SHC4: variants seen among roughly 807,000 people sequenced by gnomAD.
SHC4 encodes SHC adaptor protein 4.
SHC4 carries 41 observed loss-of-function variants against 69.4 expected under a neutral mutation model. The observed-to-expected ratio is 0.59, with a 90% CI of 0.46 to 0.77. SHC4 has a LOEUF of 0.77. SHC4 is among the 30% of genes least tolerant of loss of function. The probability of loss-of-function intolerance (pLI) is 0.00; values close to 1 mark genes in which losing one functional copy is unlikely to be tolerated. For missense variants in SHC4, 777 were observed against 783.8 expected (o/e 0.99, Z 0.10); for synonymous variants, 318 against 299.3 (o/e 1.06, Z -0.64).
chr15:48,944,005 G>A (rs949677127), intron 1 of SHC4, among the ~76,000 whole-genome samples: 2 of 152,038 alleles, frequency 1.3e-5, no homozygotes, highest in Non-Finnish European at 2.9e-5. Context: ...TAAGGTGTAG[G>A]TAGGACACCC....
At chr15:48,866,235 C>T (rs1899556828) in intron 6 of SHC4, among the ~76,000 whole-genome samples, 1 of 152,188 alleles carries the variant, frequency 6.6e-6, no homozygotes, top group Admixed American at 6.5e-5. Flanking sequence ...TTGTTGTGCC[C>T]TGTTCCTACA....
At chr15:48,873,961 T>C (rs1246435233) in intron 4 of SHC4, among the ~76,000 whole-genome samples, 3 of 152,202 alleles carry the variant, frequency 2.0e-5, no homozygotes, top group East Asian at 3.8e-4. Flanking sequence ...CCCAGATTAA[T>C]TTATAAATTC....
At chr15:48,913,100 G>C (rs528589488) in intron 2 of SHC4, among the ~76,000 whole-genome samples, 2 of 152,088 alleles carry the variant, frequency 1.3e-5, no homozygotes, top group East Asian at 3.9e-4. Flanking sequence ...ACTTTCCAGA[G>C]AGCATCAGCT....
chr15:48,888,540 T>C (rs965817308), intron 3 of SHC4, among the ~76,000 whole-genome samples: 3 of 152,128 alleles, frequency 2.0e-5, no homozygotes, highest in Non-Finnish European at 4.4e-5. Context: ...AGATGGATGA[T>C]GGCGATGGCT....
Position 48,963,660 on chromosome 15 carries a change from A to T in SHC4, c.-645T>A, listed in dbSNP as rs933654968. On this transcript the variant is annotated 5_prime_UTR_variant, in exon 1 of 12. Coordinates refer to ENST00000332408, the MANE Select transcript of SHC4 (RefSeq NM_203349.4). ...TGCATCCCGTTCTGGGCCACCAGCC[A>T]GGAGTACTACTGACGGGCGCTGCTC... 9.2e-5 allele frequency among the ~76,000 whole-genome samples: 14 copies of T among 152,180 alleles called. No homozygotes were observed. Among genetic ancestry groups the T allele is most frequent in the Admixed American group, 3.3e-4 (5 of 15,280 alleles).
At chr15:48,921,083 G>C (rs1262207969) in intron 2 of SHC4, among the ~76,000 whole-genome samples, 1 of 152,196 alleles carries the variant, frequency 6.6e-6, no homozygotes, top group African/African-American at 2.4e-5. Flanking sequence ...TGGATGAATA[G>C]ACAAAATGTA....
chr15:48,844,665 T>A (rs2140974305), intron 9 of SHC4, among the ~76,000 whole-genome samples: 1 of 152,316 alleles, frequency 6.6e-6, no homozygotes, highest in East Asian at 1.9e-4. Context: ...TCACCTTGAA[T>A]TGTAATAATC....
chr15:48,924,882 G>A lies in SHC4; in HGVS notation c.653C>T (p.Thr218Ile). 1 of 1,614,076 alleles carries A rather than the reference G, an allele frequency of 6.2e-7. No homozygotes were observed. The highest frequency in any genetic ancestry group is 8.5e-7 in the Non-Finnish European group (1 of 1,179,986). ...CCTCCCATTTTTGGCTTCTTACCTT[G>A]TAACTTGGGTTCTCATTCCAAAATC... Reference protein sequence around the residue: ...SLDFGMRTQVTREAISRLCEA... With the variant: ...SLDFGMRTQVIREAISRLCEA... Residue 218 changes from threonine to isoleucine, a missense_variant, in exon 2 of 12, where the codon ACA (threonine) becomes ATA (isoleucine). Transcript: ENST00000332408.
At chr15:48,921,730 G>T (rs745432097) in intron 2 of SHC4, among the ~76,000 whole-genome samples, 3 of 152,140 alleles carry the variant, frequency 2.0e-5, no homozygotes, top group Non-Finnish European at 4.4e-5. Flanking sequence ...CGATAGTTGC[G>T]CAACAATGTG....
chr15:48,906,538 T>C (rs1900408858), intron 2 of SHC4, among the ~76,000 whole-genome samples: 1 of 152,048 alleles, frequency 6.6e-6, no homozygotes, highest in African/African-American at 2.4e-5. Flanking sequence ...AGGATTACCA[T>C]GGAACTACCA....
At chr15:48,908,401 T>TTTTC (rs1049206594) in intron 2 of SHC4, among the ~76,000 whole-genome samples, 1 of 152,164 alleles carries the variant, frequency 6.6e-6, no homozygotes, top group African/African-American at 2.4e-5. Context: ...GGATTGTTTG[T>TTTTC]TTTCTTTCTT....
At chr15:48,828,010 C>A (rs186002736) in intron 11 of SHC4, among the ~76,000 whole-genome samples, 29 of 152,144 alleles carry the variant, frequency 1.9e-4, no homozygotes, top group Admixed American at 3.3e-4. Context: ...GTCCTGCAGA[C>A]ACTTGTGTTT....
rs189833520 is a variant in SHC4 at position 48,930,566 on chromosome 15, G to C, written c.586-5617C>G. On this transcript the variant is annotated intron_variant, in intron 1 of 11. Coordinates refer to ENST00000332408, the MANE Select transcript of SHC4 (RefSeq NM_203349.4). The stretch of plus-strand genomic sequence containing the variant: ...GCAGGAGGATCACTTGAGCCCAGGA[G>C]TTTAAGGCTGCAGTCAGCTACAATC... 1.9e-3 allele frequency among the ~76,000 whole-genome samples: 294 copies of C among 152,320 alleles called. 1 individual carries two copies. Among genetic ancestry groups the C allele is most frequent in the African/African-American group, 6.9e-3 (288 of 41,564 alleles).
Position 48,884,290 on chromosome 15 carries a change from G to A in SHC4, c.798C>T (p.Ile266=). 6.2e-7 allele frequency: 1 copy of A among 1,611,080 alleles called. No homozygotes were observed. ...QFSGMNIKLT[I]STCSLTLMNL... ...TCATCAATGTGAGACTGCATGTTGA[G>A]ATGGTCAGTTTTATATTCATTCCTG... The change falls in exon 4 of 12, where the codon ATC becomes ATT. Residue 266 remains isoleucine (I), a synonymous_variant. Transcript: ENST00000332408.
intron 4 of SHC4, chr15:48,878,638 C>T: frequency 6.2e-7 from 1 of 1,614,028 alleles, no homozygotes; most frequent in South Asian, 1.1e-5. Flanking sequence ...ATGAGAAGAC[C>T]CCGTTTGATC....
At chr15:48,905,178 GC>G (rs1438458018) in intron 2 of SHC4, among the ~76,000 whole-genome samples, 1 of 152,120 alleles carries the variant, frequency 6.6e-6, no homozygotes, top group Non-Finnish European at 1.5e-5. Flanking sequence ...TGTGATCCAG[GC>G]CTGAGAAGCC....
At chr15:48,831,258 A>AT (rs1429753909) in intron 11 of SHC4, among the ~76,000 whole-genome samples, 1 of 150,000 alleles carries the variant, frequency 6.7e-6, no homozygotes, top group East Asian at 1.9e-4. Context: ...AAGAAAGAAA[A>AT]TTAAAAAAAA....
At chr15:48,918,797 A>G (rs564455605) in intron 2 of SHC4, among the ~76,000 whole-genome samples, 1 of 152,156 alleles carries the variant, frequency 6.6e-6, no homozygotes, top group Non-Finnish European at 1.5e-5. Flanking sequence ...TCTGCAATAT[A>G]ATTTTTCTGT....
chr15:48,926,258 T>C (rs1900851382), intron 1 of SHC4, among the ~76,000 whole-genome samples: 1 of 152,114 alleles, frequency 6.6e-6, no homozygotes. Context: ...TCTTTGAGAA[T>C]TGCCTTAGAA....
Sources: allele counts gnomAD v4.1 joint callset (sites outside exome capture counted in the v4.1 genomes callset), GRCh38; gene constraint gnomAD v4.1.1; transcripts MANE v1.5; gene names NCBI Gene and HGNC (gene_info 2026-07-23, HGNC 2026-07-21).